PEX13: variants seen among roughly 807,000 people sequenced by gnomAD.
PEX13 encodes the protein peroxisome biogenesis factor 13.
In PEX13, 28 loss-of-function variants were observed where a neutral mutation model predicts 34.5. The ratio of observed to expected loss-of-function variants is 0.81; its 90% CI spans 0.60 to 1.11. PEX13 has a LOEUF of 1.11. Ranked by LOEUF, PEX13 falls within the 50% of genes most tolerant of loss-of-function variation. The pLI is 0.00. For synonymous variants in PEX13, 177 were observed against 175.1 expected (o/e 1.01, Z -0.09); for missense variants, 550 against 491.0 (o/e 1.12, Z -1.13).
At chr2:61,047,105 GA>G (rs531459837) in intron 3 of PEX13, among the ~76,000 whole-genome samples, 16 of 143,358 alleles carry the variant, frequency 1.1e-4, no homozygotes, top group East Asian at 2.0e-4. Context: ...CTTGTCTCAA[GA>G]AAAAAAAAAC....
In PEX13 at chr2:61,017,802, C is replaced by T. The variant is rs1311634962; in HGVS notation, c.43C>T (p.Arg15Cys). ...PPPPPKPWET[R>C]RIPGAGPGPG... The stretch of plus-strand genomic sequence containing the variant: ...ACCTCCCCCCAAACCCTGGGAGACC[C>T]GCCGAATTCCGGGAGCCGGACCGGG... Residue 15 changes from arginine to cysteine, a missense_variant, in exon 1 of 4, where the codon CGC becomes TGC. Physicochemically the swap from Arg to Cys is radical, Grantham distance 180. Transcript: ENST00000295030. 13 of 1,550,412 alleles carry T rather than the reference C, an allele frequency of 8.4e-6. No individual in the cohort carries two copies. Among genetic ancestry groups the T allele is most frequent in the African/African-American group, 1.4e-5 (1 of 73,048 alleles).
At chr2:61,025,653 C>T (rs1172509396) in intron 1 of PEX13, among the ~76,000 whole-genome samples, 1 of 152,076 alleles carries the variant, frequency 6.6e-6, no homozygotes. Flanking sequence ...GCCACCATGC[C>T]CAGCCAAGCC....
chr2:61,036,538 G>A (rs1038099002), intron 2 of PEX13, among the ~76,000 whole-genome samples: 12 of 152,096 alleles, frequency 7.9e-5, no homozygotes, highest in Non-Finnish European at 1.2e-4. Flanking sequence ...CTTCATAAGC[G>A]AAGGAGAAAT....
chr2:61,019,776 T>C (rs975096392), intron 1 of PEX13, among the ~76,000 whole-genome samples: 2 of 152,194 alleles, frequency 1.3e-5, no homozygotes, highest in Non-Finnish European at 2.9e-5. Context: ...AGTCTTGATA[T>C]GTAGTATGTC....
Position 61,048,548 on chromosome 2 carries a change from T to G in PEX13, c.990T>G (p.Tyr330Ter). ...GQTTGLIPANYVKILGKRKGR... is the reference protein window; with the variant it reads ...GQTTGLIPAN ...CAACAGGACTTATACCTGCGAATTA[T>G]GTCAAAATTCTTGGCAAAAGAAAAG... The change falls in exon 4 of 4, where the codon TAT becomes TAG. Residue 330 changes from tyrosine (Y) to a stop codon, truncating the protein, a stop_gained. Coordinates refer to ENST00000295030, the MANE Select transcript of PEX13 (RefSeq NM_002618.4). LOFTEE classifies it high-confidence loss of function. 1.9e-6 allele frequency: 3 copies of G among 1,614,118 alleles called. No individual in the cohort carries two copies. The highest frequency in any genetic ancestry group is 2.5e-6 in the Non-Finnish European group (3 of 1,179,974).
chr2:61,021,752 G>C (rs1680268407), intron 1 of PEX13, among the ~76,000 whole-genome samples: 1 of 152,198 alleles, frequency 6.6e-6, no homozygotes. Context: ...GCCTGACTGG[G>C]AAACACCTCC....
At chr2:61,046,327 G>A (rs1042606612) in intron 3 of PEX13, among the ~76,000 whole-genome samples, 1 of 152,162 alleles carries the variant, frequency 6.6e-6, no homozygotes, top group Non-Finnish European at 1.5e-5. Flanking sequence ...ACCCCAGCAA[G>A]AGATTTATAC....
chr2:61,039,020 A>G (rs978976590), intron 2 of PEX13, among the ~76,000 whole-genome samples: 62 of 152,318 alleles, frequency 4.1e-4, no homozygotes, highest in Non-Finnish European at 6.3e-4. Flanking sequence ...TAAAATACCT[A>G]GGAATCCAAC....
chr2:61,023,759 T>C (rs528515232), intron 1 of PEX13, among the ~76,000 whole-genome samples: 1 of 149,582 alleles, frequency 6.7e-6, no homozygotes, highest in East Asian at 2.0e-4. Flanking sequence ...GTCAGCTCTC[T>C]TGACTTTTTG....
chr2:61,045,792 C>A lies in PEX13; in HGVS notation c.854C>A (p.Ala285Asp). 1 of 1,611,620 alleles carries A rather than the reference C, an allele frequency of 6.2e-7. No individual in the cohort carries two copies. The highest frequency in any genetic ancestry group is 8.5e-7 in the Non-Finnish European group (1 of 1,177,812). ...GCCAGAGCAGAATATGATTTTGCTG[C>A]CGTATCTGAAGAAGAAATTTCTTTC... Reference protein sequence around the residue: ...VVARAEYDFAAVSEEEISFRA... With the variant: ...VVARAEYDFADVSEEEISFRA... The change falls in exon 3 of 4, where the codon GCC (alanine) becomes GAC (aspartate). Residue 285 changes from alanine (A) to aspartate (D), a missense_variant. Coordinates refer to ENST00000295030, the MANE Select transcript of PEX13 (RefSeq NM_002618.4).
chr2:61,017,777 A>AC lies in PEX13; in HGVS notation c.20dup (p.Pro8SerfsTer27). The AC allele has an allele frequency of 6.5e-7, 1 of 1,549,276 alleles. No homozygotes were observed. Among genetic ancestry groups the AC allele is most frequent in the Non-Finnish European group, 8.7e-7 (1 of 1,146,628 alleles). On this transcript the variant is annotated frameshift_variant, in exon 1 of 4. Coordinates refer to ENST00000295030, the MANE Select transcript of PEX13 (RefSeq NM_002618.4). LOFTEE classifies it high-confidence loss of function. ...CGGAGGAGATGGCGTCCCAGCCGCC[A>AC]CCTCCCCCCAAACCCTGGGAGACCC...
At chr2:61,041,994 T>G (rs1006508289) in intron 2 of PEX13, among the ~76,000 whole-genome samples, 4 of 152,234 alleles carry the variant, frequency 2.6e-5, no homozygotes, top group East Asian at 1.9e-4. Flanking sequence ...GTCCTATTAC[T>G]TTAGCTCTTA....
At chr2:61,022,386 C>A (rs1167544774) in intron 1 of PEX13, among the ~76,000 whole-genome samples, 1 of 152,190 alleles carries the variant, frequency 6.6e-6, no homozygotes, top group Admixed American at 6.5e-5. Flanking sequence ...GATGCACGCA[C>A]AAGCTTCAAT....
At chr2:61,038,856 C>T (rs1680576134) in intron 2 of PEX13, among the ~76,000 whole-genome samples, 1 of 152,154 alleles carries the variant, frequency 6.6e-6, no homozygotes, top group African/African-American at 2.4e-5. Flanking sequence ...TTTAGAAAAC[C>T]CCATTGTGTC....
At chr2:61,029,139 C>A (rs1378470674) in intron 1 of PEX13, among the ~76,000 whole-genome samples, 3,282 of 129,216 alleles carry the variant, frequency 0.025, no homozygotes, top group Middle Eastern at 0.035. Context: ...ACCCTGTCTC[C>A]AAAAAAAAAA....
intron 1 of PEX13, among the ~76,000 whole-genome samples, chr2:61,026,409 A>C (rs1680356384): frequency 7.7e-6 from 1 of 129,802 alleles, no homozygotes; most frequent in African/African-American, 3.0e-5. Context: ...CAGTGGTGCT[A>C]TCTCGGCTCA....
chr2:61,018,092 C>T (rs1382883504), intron 1 of PEX13: 39 of 1,538,594 alleles, frequency 2.5e-5, no homozygotes, highest in Non-Finnish European at 3.4e-5. Flanking sequence ...CTGGGCGTCT[C>T]TCTGGGTCTC....
chr2:61,035,454 G>A (rs574046729), intron 2 of PEX13, among the ~76,000 whole-genome samples: 8 of 152,220 alleles, frequency 5.3e-5, no homozygotes, highest in Non-Finnish European at 1.2e-4. Flanking sequence ...AGGGGACAAA[G>A]CTGGATGGAG....
chr2:61,040,510 C>G (rs983726099), intron 2 of PEX13, among the ~76,000 whole-genome samples: 6 of 152,042 alleles, frequency 3.9e-5, no homozygotes, highest in African/African-American at 1.4e-4. Flanking sequence ...ACCGCATGTT[C>G]TCACTCATAG....
Sources: gnomAD v4.1 joint callset for allele counts (sites outside exome capture counted in the v4.1 genomes callset) on GRCh38, gnomAD v4.1.1 for gene constraint, MANE v1.5 for transcripts, NCBI Gene and HGNC (gene_info 2026-07-23, HGNC 2026-07-21) for gene names.